ITPR2: variants seen among roughly 807,000 people sequenced by gnomAD.
ITPR2 encodes the protein inositol 1,4,5-trisphosphate receptor type 2.
Under a neutral mutation model 317.1 loss-of-function variants are expected in ITPR2, and 207 were observed. The ratio of observed to expected loss-of-function variants is 0.65; its 90% CI spans 0.58 to 0.73. The LOEUF is 0.73. Ranked by LOEUF, ITPR2 falls within the 30% of genes least tolerant of loss-of-function variation. The probability of loss-of-function intolerance (pLI) is 0.00; values close to 1 mark genes in which losing one functional copy is unlikely to be tolerated. For synonymous variants in ITPR2, 1,156 were observed against 1,149.1 expected (o/e 1.01, Z -0.12); for missense variants, 2,613 against 3,284.0 (o/e 0.80, Z 4.99).
At chr12:26,455,166 G>A (rs745980271) in intron 45 of ITPR2, among the ~76,000 whole-genome samples, 2 of 151,840 alleles carry the variant, frequency 1.3e-5, no homozygotes, top group Non-Finnish European at 1.5e-5. Flanking sequence ...ATGTAAAATC[G>A]GGGGTGGAAT....
At chr12:26,651,107 A>G (rs1391456397) in intron 21 of ITPR2, among the ~76,000 whole-genome samples, 2 of 152,194 alleles carry the variant, frequency 1.3e-5, no homozygotes, top group Admixed American at 1.3e-4. Context: ...CTGGATAATT[A>G]CACCATGTAG....
rs189776820 is a variant in ITPR2, at chr12:26,527,898, G to A, written c.5073+22349C>T. Among the ~76,000 whole-genome samples the A allele has an allele frequency of 5.3e-5, 8 of 152,264 alleles. No homozygotes were observed. In the East Asian group the frequency reaches 1.2e-3, roughly 22 times the overall value. ...ATGTGCCCCAGGTGGAGGAACTTCCGCTAGTGATACCTTTGGCCTCTCTCT... is the reference window on the plus strand; with the variant it reads ...ATGTGCCCCAGGTGGAGGAACTTCCACTAGTGATACCTTTGGCCTCTCTCT... On this transcript the variant is annotated intron_variant, in intron 37 of 56. Coordinates refer to ENST00000381340, the MANE Select transcript of ITPR2 (RefSeq NM_002223.4).
chr12:26,775,959 T>TATATATATATACACACATA (rs1263788006), intron 2 of ITPR2, among the ~76,000 whole-genome samples: 1 of 145,180 alleles, frequency 6.9e-6, no homozygotes, highest in Non-Finnish European at 1.5e-5. Context: ...TATATGTATA[T>TATATATATATACACACATA]CCTATTAGTT....
At chr12:26,421,588 T>TG in intron 49 of ITPR2, 1 of 152,344 alleles carries the variant, frequency 6.6e-6, no homozygotes, top group South Asian at 2.1e-4. Context: ...AGCAAGTTGC[T>TG]AAAACAGTCT....
chr12:26,455,946 A>G lies in ITPR2; in HGVS notation c.6343-12296T>C, dbSNP rs186052908. Among the ~76,000 whole-genome samples, 12 of 152,314 alleles carry G rather than the reference A, an allele frequency of 7.9e-5. No individual in the cohort carries two copies. In the East Asian group the frequency reaches 2.3e-3, roughly 29 times the overall value. On this transcript the variant is annotated intron_variant, in intron 45 of 56. Coordinates refer to ENST00000381340, the MANE Select transcript of ITPR2 (RefSeq NM_002223.4). The stretch of plus-strand genomic sequence containing the variant: ...TATGCAATATTAACATAACATAAAG[A>G]CCCACTTCTCTTATTCAATACTAAG...
chr12:26,370,493 TG>T (rs1483809246), intron 55 of ITPR2, among the ~76,000 whole-genome samples: 2 of 152,214 alleles, frequency 1.3e-5, no homozygotes, highest in Non-Finnish European at 2.9e-5. Flanking sequence ...AGCAAATCCA[TG>T]TAAATATTAC....
intron 50 of ITPR2, among the ~76,000 whole-genome samples, chr12:26,417,596 C>T (rs7300084): frequency 0.36 from 54,727 of 152,006 alleles, 12,103 homozygotes; most frequent in Non-Finnish European, 0.5. Flanking sequence ...ACATGCCTTG[C>T]TTCCCCTTCA....
intron 21 of ITPR2, among the ~76,000 whole-genome samples, chr12:26,642,544 G>A (rs1947014514): frequency 6.6e-6 from 1 of 152,248 alleles, no homozygotes; most frequent in Admixed American, 6.5e-5. Context: ...TGGCTTCCCA[G>A]CCTCCGGAGC....
chr12:26,791,022 G>A (rs188586188), intron 1 of ITPR2, among the ~76,000 whole-genome samples: 2 of 152,314 alleles, frequency 1.3e-5, no homozygotes, highest in Admixed American at 1.3e-4. Flanking sequence ...TCTGCTTCTA[G>A]AAGAGTGCCT....
chr12:26,781,035 G>T (rs1336084885), intron 2 of ITPR2, among the ~76,000 whole-genome samples: 1 of 152,206 alleles, frequency 6.6e-6, no homozygotes, highest in Non-Finnish European at 1.5e-5. Flanking sequence ...AAGTAAGTAA[G>T]AGTATGCATG....
At chr12:26,601,498 C>T (rs1945997544) in intron 28 of ITPR2, among the ~76,000 whole-genome samples, 1 of 152,062 alleles carries the variant, frequency 6.6e-6, no homozygotes, top group African/African-American at 2.4e-5. Flanking sequence ...AGGAAGTAAT[C>T]AAAGAATGGT....
At chr12:26,665,852 T>C (rs1592013487) in intron 14 of ITPR2, 58 bp downstream of exon 14, 26 of 1,478,968 alleles carry the variant, frequency 1.8e-5, no homozygotes, top group Non-Finnish European at 2.4e-5. Flanking sequence ...ACAAGGCCTT[T>C]CCTGATACTG....
chr12:26,676,035 G>A (rs1947899898), intron 13 of ITPR2, among the ~76,000 whole-genome samples: 1 of 152,024 alleles, frequency 6.6e-6, no homozygotes, highest in Admixed American at 6.5e-5. Context: ...GCACACACCT[G>A]TAATCCCAGC....
At chr12:26,561,454 C>A (rs1040772407) in intron 35 of ITPR2, among the ~76,000 whole-genome samples, 3 of 152,052 alleles carry the variant, frequency 2.0e-5, no homozygotes, top group Non-Finnish European at 2.9e-5. Flanking sequence ...TAAGTTGAAG[C>A]AAGATTATGA....
chr12:26,342,593 G>A (rs1401616347), intron 55 of ITPR2, among the ~76,000 whole-genome samples: 4 of 147,414 alleles, frequency 2.7e-5, no homozygotes, highest in Non-Finnish European at 5.9e-5. Context: ...TTGTTTGTTT[G>A]TTTTTGTTTT....
intron 2 of ITPR2, 39 bp downstream of exon 2, chr12:26,790,118 C>T (rs1950317545): frequency 1.5e-6 from 2 of 1,337,828 alleles, no homozygotes; most frequent in Admixed American, 1.7e-5. Context: ...AATCCTCCCT[C>T]TTAGCTCACA....
chr12:26,631,881 G>A lies in ITPR2; in HGVS notation c.2919C>T (p.Ile973=), dbSNP rs371436013. 6.8e-6 allele frequency: 11 copies of A among 1,613,640 alleles called. No individual in the cohort carries two copies. The highest frequency in any genetic ancestry group is 7.6e-6 in the Non-Finnish European group (9 of 1,179,882). Residue 973 remains isoleucine (I), a synonymous_variant, in exon 22 of 57, where the codon ATC becomes ATT. Transcript: ENST00000381340. The part of the protein sequence containing the change: ...DVTVMDTKLK[I]IEILQFILSV... The stretch of plus-strand genomic sequence containing the variant: ...GGCAACACACCTGCAAAATCTCAAT[G>A]ATCTTCAGCTTGGTGTCCATCACAG...
At chr12:26,533,165 C>T (rs1357139686) in intron 37 of ITPR2, among the ~76,000 whole-genome samples, 1 of 152,166 alleles carries the variant, frequency 6.6e-6, no homozygotes, top group African/African-American at 2.4e-5. Flanking sequence ...ATCAAATTTT[C>T]AAATTTTCCC....
intron 52 of ITPR2, 83 bp from the exon 53 acceptor site, chr12:26,400,341 C>T (rs1940133970): frequency 1.4e-6 from 1 of 710,592 alleles, no homozygotes. Flanking sequence ...AATATACATA[C>T]AATAAATATA....
Sources: gnomAD v4.1 joint callset for allele counts (sites outside exome capture counted in the v4.1 genomes callset) on GRCh38, gnomAD v4.1.1 for gene constraint, MANE v1.5 for transcripts, NCBI Gene and HGNC (gene_info 2026-07-23, HGNC 2026-07-21) for gene names.